The following SBNO1 variants were observed in gnomAD, a reference collection of about 807,000 sequenced individuals.
The protein encoded by SBNO1 is protein strawberry notch homolog 1.
In SBNO1, 23 loss-of-function variants were observed where a neutral mutation model predicts 173.6. The observed-to-expected ratio is 0.13, with a 90% CI of 0.10 to 0.19. SBNO1 has a LOEUF of 0.19. SBNO1 is among the 10% of genes least tolerant of loss of function. The pLI is 1.00. For synonymous variants in SBNO1, 632 were observed against 571.5 expected (o/e 1.11, Z -1.51); for missense variants, 1,238 against 1,671.2 (o/e 0.74, Z 4.52).
At position 123,330,433 on chromosome 12, in the gene SBNO1, G is replaced by A; in HGVS notation, c.1120C>T (p.His374Tyr). ...RDIGAKNILV[H>Y]SLNKFKYGKI... The stretch of plus-strand genomic sequence containing the variant: ...AGATTTCATACCTTATTTAACGAAT[G>A]AACCAAAATGTTTTTTGCTCCAATA... Residue 374 changes from histidine to tyrosine, a missense_variant, in exon 9 of 32, where the codon CAT becomes TAT. By Grantham distance (83) the His-to-Tyr change is moderately conservative. Coordinates refer to ENST00000602398, the MANE Select transcript of SBNO1 (RefSeq NM_001167856.3). The A allele has an allele frequency of 6.3e-7, 1 of 1,580,672 alleles. No individual in the cohort carries two copies. Among genetic ancestry groups the A allele is most frequent in the South Asian group, 1.1e-5 (1 of 88,714 alleles).
chr12:123,312,693 A>C (rs1199798505), intron 24 of SBNO1, among the ~76,000 whole-genome samples: 2 of 151,012 alleles, frequency 1.3e-5, no homozygotes, highest in Non-Finnish European at 3.0e-5. Flanking sequence ...CCCAGGTGAC[A>C]GCACGAGACC....
In SBNO1 at chr12:123,295,892, G is replaced by C. The variant is rs1483107465; in HGVS notation, c.*16C>G. ...ACAGCATTTCAGATCCATCCATGTT[G>C]AAACCTGTCTGTTCTTCATGCGTTG... On this transcript the variant is annotated 3_prime_UTR_variant, in exon 32 of 32. Transcript: ENST00000602398. 1.9e-6 allele frequency: 3 copies of C among 1,612,198 alleles called. No homozygotes were observed. Among genetic ancestry groups the C allele is most frequent in the Non-Finnish European group, 2.5e-6 (3 of 1,178,868 alleles).
At chr12:123,359,652 T>G (rs1335131822) in intron 1 of SBNO1, among the ~76,000 whole-genome samples, 1 of 152,138 alleles carries the variant, frequency 6.6e-6, no homozygotes, top group African/African-American at 2.4e-5. Context: ...ATAAAAATAT[T>G]TGAAAAGCAT....
At chr12:123,361,859 G>A (rs1566060129) in intron 1 of SBNO1, among the ~76,000 whole-genome samples, 1 of 152,208 alleles carries the variant, frequency 6.6e-6, no homozygotes, top group East Asian at 1.9e-4. Flanking sequence ...AAGATTCTGA[G>A]GCCAGGCGCG....
chr12:123,299,609 A>G (rs1186136617), intron 30 of SBNO1, among the ~76,000 whole-genome samples: 1 of 139,932 alleles, frequency 7.1e-6, no homozygotes, highest in Non-Finnish European at 1.5e-5. Context: ...TAAACCTCAG[A>G]GGCGGAGCTT....
At chr12:123,350,844 T>C (rs2139075886) in intron 1 of SBNO1, among the ~76,000 whole-genome samples, 1 of 101,622 alleles carries the variant, frequency 9.8e-6, no homozygotes, top group South Asian at 3.2e-4. Context: ...TTAAAAACTA[T>C]GGCTGGAGGC....
chr12:123,356,455 C>A (rs10744154), intron 1 of SBNO1, among the ~76,000 whole-genome samples: 145,028 of 152,154 alleles, frequency 0.95, 69,248 homozygotes, highest in Non-Finnish European at 0.96. Flanking sequence ...TGTTCTTTTG[C>A]GATGGAGTCT....
At position 123,345,516 on chromosome 12, in the gene SBNO1, G is replaced by A. The variant is rs377064185; in HGVS notation, c.292C>T (p.Pro98Ser). 2.2e-5 allele frequency: 35 copies of A among 1,613,952 alleles called. No homozygotes were observed. The highest frequency in any genetic ancestry group is 2.5e-5 in the Non-Finnish European group (30 of 1,180,010). The change falls in exon 4 of 32, where the codon CCC (proline) becomes TCC (serine). Residue 98 changes from proline (P) to serine (S), a missense_variant. Around this residue, in one of 14 missense-constraint regions of SBNO1, gnomAD observed 287 missense variants for 274.1 expected, o/e 1.05. Coordinates refer to ENST00000602398, the MANE Select transcript of SBNO1 (RefSeq NM_001167856.3). ...FVLNQINHLP[P>S]LGSTIVMTKT... ...GTCATTACAATTGTAGATCCCAAGGGTGGAAGATGATTTATTTGATTCAGC... is the reference window on the plus strand; with the variant it reads ...GTCATTACAATTGTAGATCCCAAGGATGGAAGATGATTTATTTGATTCAGC...
chr12:123,344,999 T>C (rs963362549), intron 4 of SBNO1, among the ~76,000 whole-genome samples: 1 of 152,180 alleles, frequency 6.6e-6, no homozygotes, highest in African/African-American at 2.4e-5. Context: ...ACCTATAATA[T>C]ATAAAACTGG....
Position 123,309,516 on chromosome 12 carries a change from T to C in SBNO1, c.3510A>G (p.Ser1170=), listed in dbSNP as rs765901124. ...TGTATAATTCTACGTGGCCAGAGGT[T>C]GAATATCCTGGAGTCAGAAACTTTT... ...DVKKFLTPGY[S]TSGHVELYTI... is the part of the protein sequence containing the mutation. The change falls in exon 27 of 32, where the codon TCA becomes TCG. Residue 1170 remains serine, a synonymous_variant. Coordinates refer to ENST00000602398, the MANE Select transcript of SBNO1 (RefSeq NM_001167856.3). The C allele has an allele frequency of 7.1e-5, 115 of 1,613,820 alleles. No individual in the cohort carries two copies. In the Middle Eastern group the frequency reaches 9.9e-4, roughly 14 times the overall value.
At chr12:123,311,606 C>T (rs1465961669) in intron 24 of SBNO1, among the ~76,000 whole-genome samples, 1 of 151,598 alleles carries the variant, frequency 6.6e-6, no homozygotes, top group Non-Finnish European at 1.5e-5. Context: ...CCACCCGGCT[C>T]GGCCTCCCAA....
intron 10 of SBNO1, 42 bp from the exon 11 acceptor site, chr12:123,328,069 G>C: frequency 6.8e-7 from 1 of 1,469,000 alleles, no homozygotes; most frequent in Non-Finnish European, 9.3e-7. Context: ...TTAGTATTAA[G>C]TAAGAATCTC....
At chr12:123,316,967 G>C (rs1187945672) in intron 21 of SBNO1, among the ~76,000 whole-genome samples, 1 of 151,974 alleles carries the variant, frequency 6.6e-6, no homozygotes, top group East Asian at 1.9e-4. Flanking sequence ...CTCCCAAAGT[G>C]CTGGGATTAC....
At chr12:123,327,367 T>A (rs900363229) in intron 13 of SBNO1, 59 bp downstream of exon 13, 15 of 1,466,444 alleles carry the variant, frequency 1.0e-5, no homozygotes, top group South Asian at 9.7e-5. Context: ...TCGCCAAAAC[T>A]AACAGAAACA....
At chr12:123,328,707 T>C (rs760195194) in intron 10 of SBNO1, 27 bp downstream of exon 10, 24 of 1,441,430 alleles carry the variant, frequency 1.7e-5, no homozygotes, top group East Asian at 7.4e-5. Context: ...CGTTAAAAAA[T>C]AGAAAAATAT....
Position 123,345,507 on chromosome 12 carries a change from A to G in SBNO1, c.301T>C (p.Ser101Pro). ...NQINHLPPLGSTIVMTKTPPV... is the reference protein window; with the variant it reads ...NQINHLPPLGPTIVMTKTPPV... Reference sequence around the variant, plus strand: ...GGTGTTTTAGTCATTACAATTGTAGATCCCAAGGGTGGAAGATGATTTATT... The same window carrying G: ...GGTGTTTTAGTCATTACAATTGTAGGTCCCAAGGGTGGAAGATGATTTATT... The change falls in exon 4 of 32, where the codon TCT (serine) becomes CCT (proline). Residue 101 changes from serine to proline, a missense_variant. Around this residue, in one of 14 missense-constraint regions of SBNO1, gnomAD observed 287 missense variants for 274.1 expected, o/e 1.05. Coordinates refer to ENST00000602398, the MANE Select transcript of SBNO1 (RefSeq NM_001167856.3). 6.2e-7 allele frequency: 1 copy of G among 1,614,056 alleles called. No homozygotes were observed.
rs185291410 is a variant in SBNO1 at position 123,344,501 on chromosome 12, A to G, written c.550+757T>C. 1.1e-4 allele frequency among the ~76,000 whole-genome samples: 17 copies of G among 152,304 alleles called. No individual in the cohort carries two copies. In the East Asian group the frequency reaches 2.7e-3, roughly 24 times the overall value. On this transcript the variant is annotated intron_variant, in intron 4 of 31. Transcript: ENST00000602398. The stretch of plus-strand genomic sequence containing the variant: ...TTAAGACAAAGTTCTACATCTTCCT[A>G]TAAACACTTATCGCCCATTCTTTTA...
intron 15 of SBNO1, among the ~76,000 whole-genome samples, chr12:123,324,849 A>C (rs888571743): frequency 2.6e-5 from 4 of 151,682 alleles, no homozygotes; most frequent in African/African-American, 9.7e-5. Context: ...TGCCGCCCAG[A>C]GGGGAGTGGA....
intron 20 of SBNO1, among the ~76,000 whole-genome samples, chr12:123,318,216 G>A (rs1869520493): frequency 1.3e-5 from 2 of 152,180 alleles, no homozygotes; most frequent in Non-Finnish European, 2.9e-5. Flanking sequence ...GAGGCAGACG[G>A]ATCATTTGAG....
Sources: gnomAD v4.1 joint callset for allele counts (sites outside exome capture counted in the v4.1 genomes callset) on GRCh38, gnomAD v4.1.1 for gene constraint, gnomAD v4.1.1 regional missense constraint, MANE v1.5 for transcripts, NCBI Gene and HGNC (gene_info 2026-07-23, HGNC 2026-07-21) for gene names.